The following ZNF428 variants were observed in gnomAD, a reference collection of about 807,000 sequenced individuals.
ZNF428 encodes the protein zinc finger protein 428.
A neutral mutation model predicts 15.6 loss-of-function variants in ZNF428; 5 were observed. The ratio of observed to expected loss-of-function variants is 0.32; its 90% CI spans 0.17 to 0.67. ZNF428 has a LOEUF of 0.67. ZNF428 is among the 30% of genes least tolerant of loss of function. ZNF428 has a pLI of 0.73. For missense variants in ZNF428, 237 were observed against 256.0 expected (o/e 0.93, Z 0.51); for synonymous variants, 97 against 102.2 (o/e 0.95, Z 0.31).
rs3052821 is a variant in ZNF428, at chr19:43,607,372, TACACACAC to T, written c.*237_*244del. The T allele has an allele frequency of 4.8e-5, 20 of 419,704 alleles. No homozygotes were observed. Among genetic ancestry groups the T allele is most frequent in the South Asian group, 2.8e-4 (4 of 14,216 alleles). The allele number at this position is 419,704 out of a possible 1,614,324, so 26.0% of individuals were successfully genotyped here. ...TCCCCAAGAAGGAGCCCAGGGGGAA[TACACACAC>T]ACACACACACACACAAACACACACA... On this transcript the variant is annotated 3_prime_UTR_variant, in exon 3 of 3. Coordinates refer to ENST00000300811, the MANE Select transcript of ZNF428 (RefSeq NM_182498.4). The surrounding 1 kb of genome is among the most constrained non-coding windows in gnomAD (Gnocchi z 5.1).
At position 43,612,326 on chromosome 19, in the gene ZNF428, A is replaced by G. The variant is rs956365405; in HGVS notation, c.76+1903T>C. The G allele has an allele frequency of 3.2e-6, 5 of 1,551,574 alleles. No homozygotes were observed. In the Admixed American group the frequency reaches 5.9e-5, roughly 18 times the overall value. ...CAGTTCCAAGTCCACCAAATCGACC[A>G]GTACAAAAAGAGCCCCTTCTAACCG... On this transcript the variant is annotated intron_variant, in intron 2 of 2. Transcript: ENST00000300811. The surrounding 1 kb of genome is among the most constrained non-coding windows in gnomAD (Gnocchi z 4.2).
In ZNF428 at chr19:43,607,435, ACT is replaced by A. The variant is rs892490749; in HGVS notation, c.*180_*181del. 2.0e-4 allele frequency: 130 copies of A among 658,458 alleles called. No individual in the cohort carries two copies. Among genetic ancestry groups the A allele is most frequent in the Non-Finnish European group, 2.9e-4 (120 of 409,092 alleles). The allele number at this position is 658,458 out of a possible 1,614,324, so 40.8% of individuals were successfully genotyped here. ...CGGGAATACACACACACACACACAC[ACT>A]CTGAACCAACACACACAGATACAGA... is the stretch of plus-strand genomic sequence containing the variant. On this transcript the variant is annotated 3_prime_UTR_variant, in exon 3 of 3. Transcript: ENST00000300811. The surrounding 1 kb of genome is among the most constrained non-coding windows in gnomAD (Gnocchi z 5.1).
intron 2 of ZNF428, 131 bp downstream of exon 2, chr19:43,614,098 A>AAGCAG: frequency 6.3e-7 from 1 of 1,579,238 alleles, no homozygotes; most frequent in Non-Finnish European, 8.6e-7. Context: ...CTACTAGGAC[A>AAGCAG]AGCAGTCTCA....
At chr19:43,615,532 TAAA>T (rs748528689) in intron 1 of ZNF428, among the ~76,000 whole-genome samples, 2 of 137,638 alleles carry the variant, frequency 1.5e-5, no homozygotes, top group Non-Finnish European at 3.2e-5. Context: ...AACTTGTCTC[TAAA>T]AAAAAAAAAA....
At chr19:43,618,308 C>T (rs1003109138) in intron 1 of ZNF428, among the ~76,000 whole-genome samples, 9 of 151,982 alleles carry the variant, frequency 5.9e-5, no homozygotes, top group Non-Finnish European at 1.2e-4. Flanking sequence ...GCTGGGATTA[C>T]AGGCGTGAGC....
rs1236159774 is a variant in ZNF428, at chr19:43,613,077, G to A, written c.76+1152C>T. The A allele has an allele frequency of 1.2e-5, 18 of 1,551,402 alleles. No homozygotes were observed. In the East Asian group the frequency reaches 1.5e-4, roughly 13 times the overall value. On this transcript the variant is annotated intron_variant, in intron 2 of 2. Transcript: ENST00000300811. ...CATAGCAGGGCAAGAAGTCGCACCCGGAAGGGAATTCTGAGCCAGATGGGA... is the reference window on the plus strand; with the variant it reads ...CATAGCAGGGCAAGAAGTCGCACCCAGAAGGGAATTCTGAGCCAGATGGGA...
rs1973322921 is a variant in ZNF428 at position 43,613,165 on chromosome 19, A to G, written c.76+1064T>C. The G allele has an allele frequency of 2.6e-6, 4 of 1,551,670 alleles. No individual in the cohort carries two copies. The African/African-American group carries it at 5.5e-5, about 21-fold the overall frequency. On this transcript the variant is annotated intron_variant, in intron 2 of 2. Coordinates refer to ENST00000300811, the MANE Select transcript of ZNF428 (RefSeq NM_182498.4). ...GTCAAAACCAATCTAGAACCCCCAG[A>G]AGAGGAAGAAGTCACAACTGGTCTA...
chr19:43,609,826 C>T (rs1973277027), intron 2 of ZNF428, among the ~76,000 whole-genome samples: 1 of 152,120 alleles, frequency 6.6e-6, no homozygotes, highest in Admixed American at 6.5e-5. Context: ...GGCGCACACA[C>T]AGAGTAATGG....
rs766707701 is a variant in ZNF428 at position 43,612,817 on chromosome 19, C to T, written c.76+1412G>A. ...GAATTCCCTCCAAGGAGAAGAGTGACAACCCATCTCCATCCTCATCAAGGA... is the reference window on the plus strand; with the variant it reads ...GAATTCCCTCCAAGGAGAAGAGTGATAACCCATCTCCATCCTCATCAAGGA... On this transcript the variant is annotated intron_variant, in intron 2 of 2. Coordinates refer to ENST00000300811, the MANE Select transcript of ZNF428 (RefSeq NM_182498.4). The surrounding 1 kb of genome is among the most constrained non-coding windows in gnomAD (Gnocchi z 4.2). 3 of 1,551,492 alleles carry T rather than the reference C, an allele frequency of 1.9e-6. No individual in the cohort carries two copies. In the African/African-American group the frequency reaches 4.1e-5, roughly 21 times the overall value.
intron 1 of ZNF428, among the ~76,000 whole-genome samples, chr19:43,617,110 T>G (rs1973379195): frequency 6.6e-6 from 1 of 152,068 alleles, no homozygotes; most frequent in Admixed American, 6.6e-5. Context: ...TTCCCCCTTT[T>G]TGGCCTGGAG....
Position 43,607,304 on chromosome 19 carries a change from C to G in ZNF428, c.*313G>C, listed in dbSNP as rs1461338960. On this transcript the variant is annotated 3_prime_UTR_variant, in exon 3 of 3. Transcript: ENST00000300811. This position sits in a 1 kb window ranked among gnomAD's most constrained non-coding sequence, Gnocchi z 5.1. ...AAATACATGGAAACCTCATCGAATA[C>G]AAGCACGCAGTAAATGTTATCTTTC... 3.0e-6 allele frequency: 1 copy of G among 333,212 alleles called. No individual in the cohort carries two copies. Among genetic ancestry groups the G allele is most frequent in the Non-Finnish European group, 5.4e-6 (1 of 184,038 alleles). The allele number at this position is 333,212 out of a possible 1,614,324, so 20.6% of individuals were successfully genotyped here. A position where few individuals can be genotyped will look rare whatever the true frequency, so the allele number is the denominator to read the frequency against.
At position 43,614,292 on chromosome 19, in the gene ZNF428, G is replaced by C. The variant is rs201481478; in HGVS notation, c.13C>G (p.Arg5Gly). Residue 5 changes from arginine (R) to glycine (G), a missense_variant, in exon 2 of 3, where the codon CGT becomes GGT. Arg to Gly is a moderately radical substitution (Grantham distance 125, BLOSUM62 -2). Coordinates refer to ENST00000300811, the MANE Select transcript of ZNF428 (RefSeq NM_182498.4). MTET[R>G]EPAETGGYAS... is the part of the protein sequence containing the mutation. ...TAGCCCCCAGTCTCAGCTGGCTCAC[G>C]GGTCTCTGTCATGACCGGGGGAGGG... 1 of 1,610,168 alleles carries C rather than the reference G, an allele frequency of 6.2e-7. No homozygotes were observed.
At chr19:43,614,564 T>A (rs1973353373) in intron 1 of ZNF428, 130 bp from the exon 2 acceptor site, 1 of 777,448 alleles carries the variant, frequency 1.3e-6, no homozygotes, top group African/African-American at 1.8e-5. Context: ...TCCCTGACTG[T>A]CTACAGGGTC....
At position 43,612,879 on chromosome 19, in the gene ZNF428, G is replaced by A. The variant is rs141178551; in HGVS notation, c.76+1350C>T. On this transcript the variant is annotated intron_variant, in intron 2 of 2. Transcript: ENST00000300811. This position sits in a 1 kb window ranked among gnomAD's most constrained non-coding sequence, Gnocchi z 4.2. ...TACGGTCAGATGATCATCCCCAGTA[G>A]GGAAAAGAGTTACAGCCCCACTGAA... The A allele has an allele frequency of 1.3e-5, 20 of 1,551,698 alleles. No homozygotes were observed. The African/African-American group carries it at 2.2e-4, about 17-fold the overall frequency.
chr19:43,613,940 C>T (rs541897557), intron 2 of ZNF428: 18 of 1,551,654 alleles, frequency 1.2e-5, no homozygotes, highest in African/African-American at 9.6e-5. Flanking sequence ...TGGTTACAGT[C>T]GACCTAGAGC....
At chr19:43,614,157 T>C (rs769599198) in intron 2 of ZNF428, 72 bp downstream of exon 2, 1 of 1,613,862 alleles carries the variant, frequency 6.2e-7, no homozygotes. Flanking sequence ...CCATCAACAT[T>C]TCCCAGTGGG....
At chr19:43,614,851 A>G (rs1973356040) in intron 1 of ZNF428, among the ~76,000 whole-genome samples, 2 of 151,776 alleles carry the variant, frequency 1.3e-5, no homozygotes, top group Non-Finnish European at 2.9e-5. Context: ...ACATGCCTCA[A>G]CCTCGCAAAG....
In ZNF428 at chr19:43,607,372, TACAC is replaced by T. The variant is rs3052821; in HGVS notation, c.*241_*244del. ...TCCCCAAGAAGGAGCCCAGGGGGAA[TACAC>T]ACACACACACACACACACAAACACA... On this transcript the variant is annotated 3_prime_UTR_variant, in exon 3 of 3. Transcript: ENST00000300811. The surrounding 1 kb of genome is among the most constrained non-coding windows in gnomAD (Gnocchi z 5.1). 3.6e-3 allele frequency: 1,473 copies of T among 414,172 alleles called. No individual in the cohort carries two copies. The highest frequency in any genetic ancestry group is 5.8e-3 in the South Asian group (81 of 14,076). The allele number at this position is 414,172 out of a possible 1,614,324, so 25.7% of individuals were successfully genotyped here.
Position 43,607,712 on chromosome 19 carries a change from C to T in ZNF428, c.472G>A (p.Glu158Lys). ...GREEEEEEEE[E>K]GTYHCTECED... Reference sequence around the variant, plus strand: ...CATTCCGTACAGTGGTAGGTTCCCTCCTCCTCCTCTTCCTCCTCCTCCTCC... The same window carrying T: ...CATTCCGTACAGTGGTAGGTTCCCTTCTCCTCCTCTTCCTCCTCCTCCTCC... Residue 158 changes from glutamate (E) to lysine (K), a missense_variant, in exon 3 of 3, where the codon GAG becomes AAG. By Grantham distance (56) the Glu-to-Lys change is moderately conservative. Transcript: ENST00000300811. The surrounding 1 kb of genome is among the most constrained non-coding windows in gnomAD (Gnocchi z 5.1). 6.2e-7 allele frequency: 1 copy of T among 1,613,992 alleles called. No individual in the cohort carries two copies. Among genetic ancestry groups the T allele is most frequent in the South Asian group, 1.1e-5 (1 of 91,072 alleles).
Sources: allele counts gnomAD v4.1 joint callset (sites outside exome capture counted in the v4.1 genomes callset), GRCh38; gene constraint gnomAD v4.1.1; non-coding constraint Gnocchi (gnomAD v3.1); transcripts MANE v1.5; gene names NCBI Gene and HGNC (gene_info 2026-07-23, HGNC 2026-07-21).